The following COPG1 variants were observed in gnomAD, a reference collection of about 807,000 sequenced individuals.
COPG1 encodes the protein coat protein complex I subunit gamma 1.
Under a neutral mutation model 102.8 loss-of-function variants are expected in COPG1, and 29 were observed. That is an observed-to-expected ratio of 0.28 (90% CI 0.21 to 0.38). COPG1 has a LOEUF of 0.38. Ranked by LOEUF, COPG1 falls within the 10% of genes least tolerant of loss-of-function variation. The pLI, the probability that COPG1 is intolerant of heterozygous loss-of-function variation, is 1.00. For missense variants in COPG1, 875 were observed against 1,132.7 expected (o/e 0.77, Z 3.27); for synonymous variants, 406 against 421.6 (o/e 0.96, Z 0.45).
intron 7 of COPG1, 133 bp downstream of exon 7, chr3:129,255,210 ACT>A (rs1939783412): frequency 1.6e-6 from 1 of 625,990 alleles, no homozygotes; most frequent in Non-Finnish European, 2.8e-6. Context: ...ACGGAGTCTC[ACT>A]CTGTCACCCA....
intron 2 of COPG1, 67 bp from the exon 3 acceptor site, chr3:129,252,214 A>G: frequency 8.9e-7 from 1 of 1,127,200 alleles, no homozygotes. Context: ...GACTTCTCAG[A>G]CATTGAATAT....
At position 129,253,063 on chromosome 3, in the gene COPG1, A is replaced by G. The variant is rs1296613332; in HGVS notation, c.323+108A>G. On this transcript the variant is annotated intron_variant, in intron 5 of 23. Transcript: ENST00000314797. ...CTTGGTTGCATATTGCCAGCTGCCC[A>G]CCCCGTGGCAGCTTCCCTGTTACCA... 3.3e-6 allele frequency: 3 copies of G among 909,418 alleles called. No homozygotes were observed. The East Asian group carries it at 7.6e-5, about 23-fold the overall frequency. The allele number at this position is 909,418 out of a possible 1,614,324, so 56.3% of individuals were successfully genotyped here.
chr3:129,274,992 T>C lies in COPG1; in HGVS notation c.2395+16T>C. 6.2e-7 allele frequency: 1 copy of C among 1,613,650 alleles called. No homozygotes were observed. The highest frequency in any genetic ancestry group is 8.5e-7 in the Non-Finnish European group (1 of 1,179,574). On this transcript the variant is annotated intron_variant, in intron 22 of 23. Transcript: ENST00000314797. ...ACACTTGAAGGTAAAATCCTGGGAATGCCATCTCTGGCCTAATTACTGTTC... is the reference window on the plus strand; with the variant it reads ...ACACTTGAAGGTAAAATCCTGGGAACGCCATCTCTGGCCTAATTACTGTTC...
intron 12 of COPG1, 131 bp from the exon 13 acceptor site, chr3:129,263,773 T>C (rs1362193654): frequency 1.4e-6 from 1 of 738,178 alleles, no homozygotes; most frequent in Non-Finnish European, 2.4e-6. Flanking sequence ...TGAGTTCCTC[T>C]GGTCTCCTTG....
At chr3:129,274,587 G>A (rs766662897) in intron 21 of COPG1, among the ~76,000 whole-genome samples, 3 of 152,200 alleles carry the variant, frequency 2.0e-5, no homozygotes, top group African/African-American at 7.2e-5. Flanking sequence ...CACAGCAGGC[G>A]GCTCTAGGCT....
In COPG1 at chr3:129,257,750, T is replaced by G. The variant is rs1159401310; in HGVS notation, c.761T>G (p.Phe254Cys). The G allele has an allele frequency of 6.2e-7, 1 of 1,614,036 alleles. No homozygotes were observed. The highest frequency in any genetic ancestry group is 1.3e-5 in the African/African-American group (1 of 74,946). Residue 254 changes from phenylalanine (F) to cysteine (C), a missense_variant, in exon 10 of 24, where the codon TTC (phenylalanine) becomes TGC (cysteine). Coordinates refer to ENST00000314797, the MANE Select transcript of COPG1 (RefSeq NM_016128.4). ...AGCCGTGACAGCCCACTGTTTGACT[T>G]CATCGAGAGCTGCTTGCGCAACAAG... ...DGSRDSPLFDFIESCLRNKHE... is the reference protein window; with the variant it reads ...DGSRDSPLFDCIESCLRNKHE...
intron 23 of COPG1, among the ~76,000 whole-genome samples, 180 bp from the exon 24 acceptor site, chr3:129,277,114 G>A (rs376257804): frequency 7.9e-5 from 12 of 152,092 alleles, no homozygotes; most frequent in Admixed American, 3.9e-4. Flanking sequence ...GAGCCACCGC[G>A]CCTGGCTGAG....
intron 23 of COPG1, among the ~76,000 whole-genome samples, chr3:129,276,652 C>T (rs1379145181): frequency 1.3e-5 from 2 of 152,228 alleles, no homozygotes; most frequent in East Asian, 3.9e-4. Flanking sequence ...GGGGCTGTCC[C>T]CTTCATTTGT....
chr3:129,252,792 C>T, intron 4 of COPG1, 84 bp from the exon 5 acceptor site: 1 of 1,551,260 alleles, frequency 6.4e-7, no homozygotes, highest in Admixed American at 1.7e-5. Context: ...TGTGGGCTGC[C>T]TTTGTGGAGA....
intron 14 of COPG1, among the ~76,000 whole-genome samples, chr3:129,266,261 G>A (rs912195019): frequency 9.2e-5 from 14 of 151,918 alleles, no homozygotes; most frequent in East Asian, 1.9e-4. Context: ...GTGAGCCACC[G>A]TGCTCGGCCA....
rs563491919 is a variant in COPG1 at position 129,274,111 on chromosome 3, C to T, written c.2257-727C>T. 2.2e-4 allele frequency: 98 copies of T among 455,782 alleles called. 2 individuals carry two copies. Among genetic ancestry groups the T allele is most frequent in the South Asian group, 1.5e-3 (94 of 64,544 alleles). 28.2% of individuals were successfully genotyped at this position (455,782 alleles called of 1,614,324 possible). A position where few individuals can be genotyped will look rare whatever the true frequency, so the allele number is the denominator to read the frequency against. ...ACCTTCCTTGAGCTGGAAATGACCC[C>T]GAGGCAGGAGCTGCTCTAAGACCAA... On this transcript the variant is annotated intron_variant, in intron 21 of 23. Coordinates refer to ENST00000314797, the MANE Select transcript of COPG1 (RefSeq NM_016128.4).
chr3:129,270,749 A>C (rs1485817119), intron 18 of COPG1, among the ~76,000 whole-genome samples: 2 of 152,230 alleles, frequency 1.3e-5, no homozygotes, highest in Non-Finnish European at 2.9e-5. Flanking sequence ...TGAATTGAGT[A>C]CCTTCTAAGT....
At position 129,256,253 on chromosome 3, in the gene COPG1, C is replaced by T. The variant is rs978183727; in HGVS notation, c.579+99C>T. On this transcript the variant is annotated intron_variant, in intron 8 of 23. Coordinates refer to ENST00000314797, the MANE Select transcript of COPG1 (RefSeq NM_016128.4). ...ACTTGCCACCGAGATCCTTGTGACCCCTGGCCATAGCAGGCTTTAATCCTT... is the reference window on the plus strand; with the variant it reads ...ACTTGCCACCGAGATCCTTGTGACCTCTGGCCATAGCAGGCTTTAATCCTT... The T allele has an allele frequency of 4.2e-6, 4 of 956,558 alleles. No individual in the cohort carries two copies. In the South Asian group the frequency reaches 4.2e-5, roughly 10 times the overall value. The allele number at this position is 956,558 out of a possible 1,614,324, so 59.3% of individuals were successfully genotyped here.
At chr3:129,269,448 T>G (rs1940147006) in intron 18 of COPG1, among the ~76,000 whole-genome samples, 1 of 152,198 alleles carries the variant, frequency 6.6e-6, no homozygotes. Context: ...AGAGGCTGTG[T>G]GTCTAATTGC....
At chr3:129,268,378 T>C (rs770573690) in intron 16 of COPG1, 117 bp from the exon 17 acceptor site, 335 of 1,012,020 alleles carry the variant, frequency 3.3e-4, no homozygotes, top group Non-Finnish European at 4.2e-4. Context: ...ATAAAGTGAT[T>C]TTCTCAGGGT....
intron 18 of COPG1, among the ~76,000 whole-genome samples, chr3:129,269,560 C>T (rs1047125930): frequency 5.9e-5 from 9 of 152,198 alleles, no homozygotes; most frequent in Non-Finnish European, 1.3e-4. Context: ...CTTAAACAGC[C>T]CTCTGTGCTA....
intron 13 of COPG1, among the ~76,000 whole-genome samples, chr3:129,264,620 A>G (rs1940013842): frequency 6.6e-6 from 1 of 152,100 alleles, no homozygotes; most frequent in Non-Finnish European, 1.5e-5. Flanking sequence ...GTGAGTTGTC[A>G]GCTAATGGGC....
At chr3:129,254,561 TG>T (rs565255993) in intron 5 of COPG1, 106 bp from the exon 6 acceptor site, 9 of 716,808 alleles carry the variant, frequency 1.3e-5, no homozygotes, top group Middle Eastern at 2.5e-4. Flanking sequence ...GGGAGAGCAC[TG>T]GTTAGGAGGC....
intron 20 of COPG1, 151 bp from the exon 21 acceptor site, chr3:129,272,656 T>C: frequency 1.6e-6 from 1 of 624,052 alleles, no homozygotes; most frequent in South Asian, 2.0e-5. Context: ...TCTGTCCAGC[T>C]TTGTGGGATT....
Sources: gnomAD v4.1 joint callset for allele counts (sites outside exome capture counted in the v4.1 genomes callset) on GRCh38, gnomAD v4.1.1 for gene constraint, MANE v1.5 for transcripts, NCBI Gene and HGNC (gene_info 2026-07-23, HGNC 2026-07-21) for gene names.